The following RPS6KA5 variants were observed in gnomAD, a reference collection of about 807,000 sequenced individuals.
The protein encoded by RPS6KA5 is ribosomal protein S6 kinase A5.
In RPS6KA5, 27 loss-of-function variants were observed where a neutral mutation model predicts 85.5. The observed-to-expected ratio is 0.32, with a 90% confidence interval of 0.23 to 0.44. The LOEUF is 0.44. Ranked by LOEUF, RPS6KA5 falls within the 20% of genes least tolerant of loss-of-function variation. The probability of loss-of-function intolerance (pLI) is 1.00; values close to 1 mark genes in which losing one functional copy is unlikely to be tolerated. For missense variants in RPS6KA5, 811 were observed against 980.9 expected (o/e 0.83, Z 2.31); for synonymous variants, 334 against 348.2 (o/e 0.96, Z 0.46).
rs1356547114 is a variant in RPS6KA5, at chr14:90,860,217, G to A, written c.*11857C>T. Reference sequence around the variant, plus strand: ...TAATGGCTTTTTCCACAGAACTTAAGGATTGGAATGATATCTTGAAAATGG... The same window carrying A: ...TAATGGCTTTTTCCACAGAACTTAAAGATTGGAATGATATCTTGAAAATGG... On this transcript the variant is annotated 3_prime_UTR_variant, in exon 17 of 17. Transcript: ENST00000614987. 6.6e-6 allele frequency: 1 copy of A among 152,182 alleles called. No homozygotes were observed. 9.4% of individuals were successfully genotyped at this position (152,182 alleles called of 1,614,324 possible).
intron 1 of RPS6KA5, among the ~76,000 whole-genome samples, chr14:91,014,425 C>G (rs1324810125): frequency 6.6e-6 from 1 of 150,682 alleles, no homozygotes; most frequent in African/African-American, 2.4e-5. Flanking sequence ...TCGCTTGAAC[C>G]CGGGAGGCAG....
chr14:90,880,428 C>G (rs1221573744), intron 14 of RPS6KA5, among the ~76,000 whole-genome samples: 2 of 152,192 alleles, frequency 1.3e-5, no homozygotes, highest in African/African-American at 4.8e-5. Flanking sequence ...CAATAATCAT[C>G]TATGTTTTTG....
Position 90,870,805 on chromosome 14 carries a change from C to CTTTT in RPS6KA5, c.*1265_*1268dup, listed in dbSNP as rs78409439. ...ATATAACACACAAACCCTATCACTT[C>CTTTT]TTTTTTTTTTTTTTTTTTTTTTGCA... is the stretch of plus-strand genomic sequence containing the variant. On this transcript the variant is annotated 3_prime_UTR_variant, in exon 17 of 17. Coordinates refer to ENST00000614987, the MANE Select transcript of RPS6KA5 (RefSeq NM_004755.4). 1,330 of 85,576 alleles carry CTTTT rather than the reference C, an allele frequency of 0.016. 31 individuals carry two copies. The highest frequency in any genetic ancestry group is 0.04 in the African/African-American group (876 of 21,700). The allele number at this position is 85,576 out of a possible 1,614,324, so 5.3% of individuals were successfully genotyped here.
chr14:90,895,827 C>T (rs2034807143), intron 12 of RPS6KA5, among the ~76,000 whole-genome samples: 1 of 152,160 alleles, frequency 6.6e-6, no homozygotes, highest in East Asian at 1.9e-4. Flanking sequence ...GAGGTCAAGG[C>T]TGCAGGGAGC....
At position 90,900,355 on chromosome 14, in the gene RPS6KA5, ATTTATAATCTAAAATTCATC is replaced by A. The variant is rs2035097613; in HGVS notation, c.1246-134_1246-115del. The stretch of plus-strand genomic sequence containing the variant: ...ATATTAATAAACAGGAATAGAATAC[ATTTATAATCTAAAATTCATC>A]TTTATAGGTAACTTCTATTTTCATC... On this transcript the variant is annotated intron_variant, in intron 10 of 16. Coordinates refer to ENST00000614987, the MANE Select transcript of RPS6KA5 (RefSeq NM_004755.4). 4 of 735,914 alleles carry A rather than the reference ATTTATAATCTAAAATTCATC, an allele frequency of 5.4e-6. No individual in the cohort carries two copies. The East Asian group carries it at 1.3e-4, about 23-fold the overall frequency. 45.6% of individuals were successfully genotyped at this position (735,914 alleles called of 1,614,324 possible). A position where few individuals can be genotyped will look rare whatever the true frequency, so the allele number is the denominator to read the frequency against.
intron 8 of RPS6KA5, among the ~76,000 whole-genome samples, chr14:90,904,994 T>C (rs1420354831): frequency 6.6e-6 from 1 of 152,180 alleles, no homozygotes; most frequent in Non-Finnish European, 1.5e-5. Context: ...AACAAGATAT[T>C]TGAAAGTTTG....
chr14:90,985,225 G>A (rs2040008755), intron 2 of RPS6KA5, among the ~76,000 whole-genome samples: 1 of 152,216 alleles, frequency 6.6e-6, no homozygotes, highest in Non-Finnish European at 1.5e-5. Flanking sequence ...TTACAGGTGT[G>A]AGCCACTGCG....
At chr14:90,876,097 ATCTCAAAGAC>A (rs1386377058) in intron 14 of RPS6KA5, among the ~76,000 whole-genome samples, 1 of 152,218 alleles carries the variant, frequency 6.6e-6, no homozygotes, top group Non-Finnish European at 1.5e-5. Context: ...CAGTGAATAC[ATCTCAAAGAC>A]TTGTAAACCA....
intron 7 of RPS6KA5, among the ~76,000 whole-genome samples, chr14:90,915,858 T>C (rs1202581203): frequency 6.6e-6 from 1 of 151,288 alleles, no homozygotes; most frequent in Non-Finnish European, 1.5e-5. Flanking sequence ...TAAAAGCTAG[T>C]GTAAGACACG....
At chr14:90,944,662 G>C (rs1318027059) in intron 4 of RPS6KA5, among the ~76,000 whole-genome samples, 2 of 152,124 alleles carry the variant, frequency 1.3e-5, no homozygotes, top group African/African-American at 4.8e-5. Flanking sequence ...GGCTGAGGCA[G>C]GAGAATCACT....
intron 7 of RPS6KA5, among the ~76,000 whole-genome samples, chr14:90,912,904 C>CTTTTTTTTTTTTTTTT (rs57029403): frequency 1.9e-5 from 1 of 53,288 alleles, no homozygotes; most frequent in African/African-American, 7.9e-5. Flanking sequence ...CATAAAGCAT[C>CTTTTTTTTTTTTTTTT]TTTTTTTTTT....
intron 2 of RPS6KA5, among the ~76,000 whole-genome samples, chr14:90,982,003 T>C (rs2039808338): frequency 6.6e-6 from 1 of 152,266 alleles, no homozygotes; most frequent in African/African-American, 2.4e-5. Flanking sequence ...AGCTGGTTTA[T>C]AGCTCAGAGC....
intron 2 of RPS6KA5, among the ~76,000 whole-genome samples, chr14:90,983,394 G>A (rs2039891433): frequency 6.6e-6 from 1 of 151,938 alleles, no homozygotes; most frequent in South Asian, 2.1e-4. Context: ...GAGCCCAGGA[G>A]TTTAAGACAA....
intron 1 of RPS6KA5, among the ~76,000 whole-genome samples, chr14:91,016,350 T>C (rs535273381): frequency 2.0e-4 from 30 of 152,190 alleles, no homozygotes; most frequent in South Asian, 6.2e-4. Flanking sequence ...GGTCAATTAA[T>C]TTTTTTAATT....
intron 5 of RPS6KA5, among the ~76,000 whole-genome samples, chr14:90,940,241 T>C (rs2037495877): frequency 6.6e-6 from 1 of 152,092 alleles, no homozygotes; most frequent in Non-Finnish European, 1.5e-5. Context: ...TAACCTAGAG[T>C]GAGGCTGTAT....
At chr14:90,907,787 G>A (rs1183450396) in intron 7 of RPS6KA5, among the ~76,000 whole-genome samples, 1 of 152,010 alleles carries the variant, frequency 6.6e-6, no homozygotes, top group Non-Finnish European at 1.5e-5. Context: ...CTGGATTTTC[G>A]GCATTAATAG....
At chr14:90,957,926 G>T (rs936856683) in intron 3 of RPS6KA5, among the ~76,000 whole-genome samples, 1 of 151,622 alleles carries the variant, frequency 6.6e-6, no homozygotes, top group African/African-American at 2.4e-5. Flanking sequence ...AGGATAGCTT[G>T]AGGCCAGGAG....
chr14:90,885,229 G>A (rs2034112590), intron 14 of RPS6KA5, among the ~76,000 whole-genome samples: 1 of 148,456 alleles, frequency 6.7e-6, no homozygotes, highest in Admixed American at 6.7e-5. Context: ...CTTCAGCCTG[G>A]GCAACAGAGC....
intron 1 of RPS6KA5, among the ~76,000 whole-genome samples, chr14:91,037,612 A>G (rs2042454941): frequency 6.6e-6 from 1 of 152,156 alleles, no homozygotes; most frequent in African/African-American, 2.4e-5. Context: ...AATCCATTCT[A>G]AAACTCTCTC....
Sources: allele counts gnomAD v4.1 joint callset (sites outside exome capture counted in the v4.1 genomes callset), GRCh38; gene constraint gnomAD v4.1.1; transcripts MANE v1.5; gene names NCBI Gene and HGNC (gene_info 2026-07-23, HGNC 2026-07-21).